PRDM14: variants seen among roughly 807,000 people sequenced by gnomAD.
The protein encoded by PRDM14 is PR/SET domain 14.
In PRDM14, 16 loss-of-function variants were observed where a neutral mutation model predicts 48.0. That is an observed-to-expected ratio of 0.33 (90% CI 0.23 to 0.51). The LOEUF (loss-of-function observed/expected upper bound fraction) is 0.51, where lower values mean the gene tolerates loss of function less well. PRDM14 is among the 20% of genes least tolerant of loss of function. The pLI is 0.97. For missense variants in PRDM14, 566 were observed against 719.6 expected (o/e 0.79, Z 2.44); for synonymous variants, 264 against 276.6 (o/e 0.95, Z 0.45).
At chr8:70,068,582 G>A (rs1293208834) in intron 2 of PRDM14, 50 bp from the exon 3 acceptor site, 1 of 1,504,714 alleles carries the variant, frequency 6.6e-7, no homozygotes. Context: ...GCATTATAAA[G>A]TGCTTTTATG....
intron 7 of PRDM14, among the ~76,000 whole-genome samples, chr8:70,054,034 T>A (rs1805432561): frequency 6.6e-6 from 1 of 152,240 alleles, no homozygotes; most frequent in South Asian, 2.1e-4. Flanking sequence ...CTTTACTTCG[T>A]CTTTACTAAT....
intron 6 of PRDM14, among the ~76,000 whole-genome samples, chr8:70,058,002 T>C (rs1207792312): frequency 6.6e-6 from 1 of 152,228 alleles, no homozygotes; most frequent in African/African-American, 2.4e-5. Context: ...AATACATCTG[T>C]GCCCAAGCCT....
At chr8:70,067,992 T>C (rs1357036383) in intron 4 of PRDM14, among the ~76,000 whole-genome samples, 1 of 152,234 alleles carries the variant, frequency 6.6e-6, no homozygotes, top group Non-Finnish European at 1.5e-5. Context: ...CCATTGCTAA[T>C]CTTCCAGACT....
chr8:70,069,834 G>A lies in PRDM14; in HGVS notation c.27C>T (p.Ala9=). 2 of 1,604,886 alleles carry A rather than the reference G, an allele frequency of 1.2e-6. No homozygotes were observed. Among genetic ancestry groups the A allele is most frequent in the Non-Finnish European group, 1.7e-6 (2 of 1,176,228 alleles). Residue 9 remains alanine, a synonymous_variant, in exon 2 of 8, where the codon GCC becomes GCT. Coordinates refer to ENST00000276594, the MANE Select transcript of PRDM14 (RefSeq NM_024504.4). ...GGTAGCACACCTTGTCCTGAGGCACGGCCTCACTTGGCCGGGGTAGAGCCA... is the reference window on the plus strand; with the variant it reads ...GGTAGCACACCTTGTCCTGAGGCACAGCCTCACTTGGCCGGGGTAGAGCCA... The part of the protein sequence containing the change: MALPRPSE[A]VPQDKVCYPP...
intron 4 of PRDM14, among the ~76,000 whole-genome samples, chr8:70,066,724 G>C (rs1162785010): frequency 1.3e-5 from 2 of 151,994 alleles, no homozygotes; most frequent in African/African-American, 4.8e-5. Flanking sequence ...GTCACATATT[G>C]GGTTTGTTTG....
At chr8:70,055,514 T>A (rs1367743052) in intron 6 of PRDM14, 113 bp from the exon 7 acceptor site, 1 of 568,232 alleles carries the variant, frequency 1.8e-6, no homozygotes, top group East Asian at 3.2e-5. Context: ...TTTTTCTTTT[T>A]TTTTTTTTTG....
chr8:70,068,554 C>T lies in PRDM14; in HGVS notation c.701-22G>A, dbSNP rs374822867. 5.0e-6 allele frequency: 8 copies of T among 1,610,422 alleles called. No homozygotes were observed. The African/African-American group carries it at 8.0e-5, about 16-fold the overall frequency. ...GATCCTAGCAAAAGGCAGGTTAAAA[C>T]AATTTTTCATTAAAAATGCATTATA... On this transcript the variant is annotated intron_variant, in intron 2 of 7. Coordinates refer to ENST00000276594, the MANE Select transcript of PRDM14 (RefSeq NM_024504.4).
Position 70,069,896 on chromosome 8 carries a change from C to G in PRDM14, c.-24-12G>C. On this transcript the variant is annotated splice_polypyrimidine_tract_variant and intron_variant, in intron 1 of 7. Transcript: ENST00000276594. ...CACGCTCGGCGGCTCTGCAGAAAAG[C>G]GGGCGCCGCTGAGGACACCGCGCGG... 6.6e-7 allele frequency: 1 copy of G among 1,505,412 alleles called. No individual in the cohort carries two copies. 93.3% of individuals were successfully genotyped at this position (1,505,412 alleles called of 1,614,324 possible).
intron 5 of PRDM14, among the ~76,000 whole-genome samples, chr8:70,061,415 C>T (rs1195107881): frequency 2.0e-5 from 3 of 152,130 alleles, no homozygotes; most frequent in African/African-American, 4.8e-5. Context: ...ACAACTACAT[C>T]CCAGGCACGT....
At chr8:70,069,102 C>T (rs1286609748) in intron 2 of PRDM14, 59 bp downstream of exon 2, 1 of 1,361,588 alleles carries the variant, frequency 7.3e-7, no homozygotes, top group Non-Finnish European at 9.8e-7. Context: ...CCCGGACACT[C>T]CCGTTCCCGC....
At chr8:70,054,538 G>T in intron 7 of PRDM14, among the ~76,000 whole-genome samples, 1 of 96,374 alleles carries the variant, frequency 1.0e-5, no homozygotes, top group Non-Finnish European at 2.1e-5. Flanking sequence ...TTTTTTTTTG[G>T]AGACGGAGTT....
rs1805702590 is a variant in PRDM14 at position 70,068,135 on chromosome 8, TGACCAGG to T, written c.912+88_912+94del. Reference sequence around the variant, plus strand: ...ATCTGCCCTGGATGTCCTCTCTCTCTGACCAGGACTCTCCCAAAAGGGCAAAGGCCAA... The same window carrying T: ...ATCTGCCCTGGATGTCCTCTCTCTCTACTCTCCCAAAAGGGCAAAGGCCAA... On this transcript the variant is annotated intron_variant, in intron 4 of 7. Transcript: ENST00000276594. 4.9e-5 allele frequency: 68 copies of T among 1,385,734 alleles called. 1 individual carries two copies. The South Asian group carries it at 8.1e-4, about 16-fold the overall frequency. 85.8% of individuals were successfully genotyped at this position (1,385,734 alleles called of 1,614,324 possible). A position where few individuals can be genotyped will look rare whatever the true frequency, so the allele number is the denominator to read the frequency against.
rs143616990 is a variant in PRDM14, at chr8:70,063,895, A to C, written c.1183+2340T>G. Reference sequence around the variant, plus strand: ...AACAGGTCTTGGTTTGGTGCTAAGTAGGAGACAACTTAGAGCTCCACAGAT... The same window carrying C: ...AACAGGTCTTGGTTTGGTGCTAAGTCGGAGACAACTTAGAGCTCCACAGAT... On this transcript the variant is annotated intron_variant, in intron 5 of 7. Coordinates refer to ENST00000276594, the MANE Select transcript of PRDM14 (RefSeq NM_024504.4). 6.7e-3 allele frequency among the ~76,000 whole-genome samples: 1,020 copies of C among 152,328 alleles called. 16 individuals are homozygous for C. Among genetic ancestry groups the C allele is most frequent in the African/African-American group, 0.023 (957 of 41,576 alleles).
chr8:70,057,378 G>A (rs1805493985), intron 6 of PRDM14, among the ~76,000 whole-genome samples: 1 of 149,024 alleles, frequency 6.7e-6, no homozygotes, highest in Non-Finnish European at 1.5e-5. Flanking sequence ...CACCCAGGCT[G>A]CAGTGCAATG....
intron 2 of PRDM14, among the ~76,000 whole-genome samples, chr8:70,068,896 T>C (rs750895608): frequency 2.6e-5 from 4 of 152,214 alleles, no homozygotes; most frequent in African/African-American, 4.8e-5. Context: ...CATGTTAGCA[T>C]AGAATCTGAA....
At position 70,067,530 on chromosome 8, in the gene PRDM14, AC is replaced by A. The variant is rs1202408920; in HGVS notation, c.912+699del. The stretch of plus-strand genomic sequence containing the variant: ...AAAACTCCGTCTCAAGAAAAAAAAA[AC>A]AAAAAAAAAAAAACAAAGAAAGATT... On this transcript the variant is annotated intron_variant, in intron 4 of 7. Coordinates refer to ENST00000276594, the MANE Select transcript of PRDM14 (RefSeq NM_024504.4). Among the ~76,000 whole-genome samples the A allele has an allele frequency of 6.9e-4, 100 of 145,892 alleles. 2 individuals carry two copies. Among genetic ancestry groups the A allele is most frequent in the African/African-American group, 2.1e-3 (78 of 36,480 alleles).
chr8:70,070,421 G>A (rs1157680182), intron 1 of PRDM14, among the ~76,000 whole-genome samples: 1 of 152,140 alleles, frequency 6.6e-6, no homozygotes, highest in Non-Finnish European at 1.5e-5. Context: ...GAAGAGCCGA[G>A]GACCCTGGGT....
In PRDM14 at chr8:70,069,800, T is replaced by C; in HGVS notation, c.61A>G (p.Ser21Gly). The change falls in exon 2 of 8, where the codon AGC (serine) becomes GGC (glycine). Residue 21 changes from serine to glycine, a missense_variant. Ser to Gly is a moderately conservative substitution (Grantham distance 56). Coordinates refer to ENST00000276594, the MANE Select transcript of PRDM14 (RefSeq NM_024504.4). ...TACGCGGCCAGGTTCTGCGGGCTGC[T>C]CTCCGGCGGGTAGCACACCTTGTCC... ...PQDKVCYPPE[S>G]SPQNLAAYYT... 6.2e-7 allele frequency: 1 copy of C among 1,610,036 alleles called. No individual in the cohort carries two copies. The highest frequency in any genetic ancestry group is 8.5e-7 in the Non-Finnish European group (1 of 1,178,736).
intron 5 of PRDM14, among the ~76,000 whole-genome samples, chr8:70,059,795 T>A (rs1269603762): frequency 6.6e-6 from 1 of 152,130 alleles, no homozygotes; most frequent in Non-Finnish European, 1.5e-5. Flanking sequence ...TGACATATTT[T>A]TAAAAAGCAT....
Sources: gnomAD v4.1 joint callset for allele counts (sites outside exome capture counted in the v4.1 genomes callset) on GRCh38, gnomAD v4.1.1 for gene constraint, MANE v1.5 for transcripts, NCBI Gene and HGNC (gene_info 2026-07-23, HGNC 2026-07-21) for gene names.